The following BTBD2 variants were observed in gnomAD, a reference collection of about 807,000 sequenced individuals.
BTBD2 encodes BTB domain containing 2.
BTBD2 carries 15 observed loss-of-function variants against 44.0 expected under a neutral mutation model. The ratio of observed to expected loss-of-function variants is 0.34; its 90% CI spans 0.23 to 0.53. BTBD2 has a LOEUF of 0.53. Among genes scored for constraint, BTBD2 ranks in the 20% least tolerant of loss-of-function variants. BTBD2 has a pLI of 0.95. For missense variants in BTBD2, 657 were observed against 746.4 expected, an observed-to-expected ratio of 0.88 and a Z score of 1.39; for synonymous variants, 443 against 335.9, an observed-to-expected ratio of 1.32 and a Z score of -3.49.
At chr19:1,990,901 T>A in intron 3 of BTBD2, 79 bp from the exon 4 acceptor site, 1 of 1,306,882 alleles carries the variant, frequency 7.7e-7, no homozygotes, top group Non-Finnish European at 1.1e-6. Context: ...CGGGGCCGGT[T>A]CAAATGCAGC....
intron 3 of BTBD2, chr19:1,991,874 T>C (rs1022967253): frequency 6.6e-6 from 1 of 151,462 alleles, no homozygotes; most frequent in Non-Finnish European, 1.5e-5. Context: ...CTGCTCTGTC[T>C]ACCTGACATT....
chr19:2,004,868 C>A (rs1273268590), intron 1 of BTBD2, among the ~76,000 whole-genome samples: 1 of 151,750 alleles, frequency 6.6e-6, no homozygotes, highest in East Asian at 2.0e-4. Flanking sequence ...GTCACCCAGG[C>A]TGGAGTGCAG....
chr19:2,008,589 C>CCTTTTTTTTTTTTTTTTTT (rs1204551829), intron 1 of BTBD2, among the ~76,000 whole-genome samples: 1 of 126,596 alleles, frequency 7.9e-6, no homozygotes, highest in African/African-American at 3.1e-5. Flanking sequence ...CTGTGCCCAG[C>CCTTTTTTTTTTTTTTTTTT]TTTTTTTTTT....
At chr19:1,989,766 A>G (rs2016146099) in intron 5 of BTBD2, 1 of 567,920 alleles carries the variant, frequency 1.8e-6, no homozygotes, top group African/African-American at 1.9e-5. Context: ...CCACCAAAAC[A>G]GCTGGACAGA....
chr19:2,000,274 C>G (rs540698514), intron 1 of BTBD2, among the ~76,000 whole-genome samples: 1 of 148,518 alleles, frequency 6.7e-6, no homozygotes, highest in African/African-American at 2.6e-5. Context: ...GGCCTCAGGG[C>G]CCTGCGCCAT....
Position 1,999,265 on chromosome 19 carries a change from G to A in BTBD2, c.408-1802C>T, listed in dbSNP as rs371154472. Among the ~76,000 whole-genome samples, 197 of 152,280 alleles carry A rather than the reference G, an allele frequency of 1.3e-3. 1 individual carries two copies. The highest frequency in any genetic ancestry group is 0.01 in the Middle Eastern group (3 of 294). ...CGACCACAGCTTCCACATCCGCCCC[G>A]AACCTCGGAATGCGAGGCCCGGCGG... On this transcript the variant is annotated intron_variant, in intron 1 of 8. Coordinates refer to ENST00000255608, the MANE Select transcript of BTBD2 (RefSeq NM_017797.4).
At chr19:2,012,738 C>T (rs1331316706) in intron 1 of BTBD2, among the ~76,000 whole-genome samples, 4 of 152,220 alleles carry the variant, frequency 2.6e-5, no homozygotes, top group Non-Finnish European at 5.9e-5. Context: ...GCAGACCCCT[C>T]ACCTACTTTT....
intron 1 of BTBD2, among the ~76,000 whole-genome samples, chr19:1,998,814 G>T (rs537978380): frequency 1.4e-3 from 213 of 152,240 alleles, no homozygotes; most frequent in Admixed American, 2.4e-3. Flanking sequence ...CTGGTGGGGC[G>T]GGTTCACAGA....
chr19:1,987,269 A>G lies in BTBD2; in HGVS notation c.1182-16T>C. ...GACTGAGAACCTGCCGTGGCAGATG[A>G]CAGGCAGCAGCGTGGATACCCAGGG... is the stretch of plus-strand genomic sequence containing the variant. On this transcript the variant is annotated splice_polypyrimidine_tract_variant and intron_variant, in intron 6 of 8. Transcript: ENST00000255608. The G allele has an allele frequency of 6.2e-7, 1 of 1,613,378 alleles. No individual in the cohort carries two copies. Among genetic ancestry groups the G allele is most frequent in the Non-Finnish European group, 8.5e-7 (1 of 1,179,570 alleles).
At chr19:2,013,593 G>C (rs893947688) in intron 1 of BTBD2, 1 of 988,406 alleles carries the variant, frequency 1.0e-6, no homozygotes, top group African/African-American at 1.7e-5. Flanking sequence ...CGGAGCTGGA[G>C]GTGGGTGGTC....
chr19:2,000,711 G>A (rs1334105413), intron 1 of BTBD2, among the ~76,000 whole-genome samples: 3 of 152,038 alleles, frequency 2.0e-5, no homozygotes, highest in African/African-American at 4.8e-5. Context: ...CAAACAAATC[G>A]AGAACACACG....
At chr19:1,998,034 T>C (rs1428451143) in intron 1 of BTBD2, among the ~76,000 whole-genome samples, 2 of 152,206 alleles carry the variant, frequency 1.3e-5, no homozygotes, top group African/African-American at 4.8e-5. Context: ...CACTTGCTCA[T>C]TTATGACACA....
chr19:2,004,517 C>T (rs1173879408), intron 1 of BTBD2, among the ~76,000 whole-genome samples: 1 of 151,664 alleles, frequency 6.6e-6, no homozygotes, highest in Non-Finnish European at 1.5e-5. Context: ...GGCTGGTCTC[C>T]AACTCCTGAC....
rs1345223254 is a variant in BTBD2, at chr19:2,015,338, C to T, written c.366G>A (p.Leu122=). ...NNEVLCDVHF[L]VGKGLSSQRI... ...GCTGCGAGCTGAGCCCCTTGCCCAC[C>T]AGGAAGTGCACGTCGCACAGCACCT... Residue 122 remains leucine, a synonymous_variant, in exon 1 of 9, where the codon CTG becomes CTA. Coordinates refer to ENST00000255608, the MANE Select transcript of BTBD2 (RefSeq NM_017797.4). The T allele has an allele frequency of 3.2e-6, 5 of 1,582,544 alleles. No homozygotes were observed. Among genetic ancestry groups the T allele is most frequent in the Non-Finnish European group, 4.3e-6 (5 of 1,171,828 alleles).
rs765037787 is a variant in BTBD2 at position 2,015,411 on chromosome 19, G to A, written c.293C>T (p.Ala98Val). 8 of 1,546,504 alleles carry A rather than the reference G, an allele frequency of 5.2e-6. No individual in the cohort carries two copies. The South Asian group carries it at 5.8e-5, about 11-fold the overall frequency. The stretch of plus-strand genomic sequence containing the variant: ...GCGCTCCTGCACGGTGGGCTTGCTG[G>A]CCTGCCAGTTGTACGCGGCCTCGCG... ...LQREAAYNWQ[A>V]SKPTVQERFA... Residue 98 changes from alanine to valine, a missense_variant, in exon 1 of 9, where the codon GCC (alanine) becomes GTC (valine). Transcript: ENST00000255608.
chr19:2,013,821 G>A (rs1599363419), intron 1 of BTBD2: 5 of 293,212 alleles, frequency 1.7e-5, no homozygotes, highest in Non-Finnish European at 2.5e-5. Flanking sequence ...CAGGGAGGAC[G>A]CAGGGAGCAA....
intron 1 of BTBD2, chr19:2,002,605 G>A (rs543043646): frequency 2.6e-5 from 4 of 152,462 alleles, no homozygotes; most frequent in African/African-American, 9.6e-5. Context: ...CGGGCACAGG[G>A]GCTCATGCCT....
At chr19:1,994,392 G>T (rs1438789224) in intron 2 of BTBD2, among the ~76,000 whole-genome samples, 1 of 152,122 alleles carries the variant, frequency 6.6e-6, no homozygotes, top group Non-Finnish European at 1.5e-5. Flanking sequence ...CACGTTGGGA[G>T]GCAGAGGCGA....
At position 1,995,822 on chromosome 19, in the gene BTBD2, A is replaced by AT. The variant is rs956456732; in HGVS notation, c.527+1521dup. Among the ~76,000 whole-genome samples, 27 of 147,830 alleles carry AT rather than the reference A, an allele frequency of 1.8e-4. No homozygotes were observed. In the East Asian group the frequency reaches 4.8e-3, roughly 26 times the overall value. ...CGGCTAATTTTCTTATTTTTTATTT[A>AT]TTTTTTCTATTTTTAATAGAGACGA... On this transcript the variant is annotated intron_variant, in intron 2 of 8. Transcript: ENST00000255608.
Sources: gnomAD v4.1 joint callset for allele counts (sites outside exome capture counted in the v4.1 genomes callset) on GRCh38, gnomAD v4.1.1 for gene constraint, MANE v1.5 for transcripts, NCBI Gene and HGNC (gene_info 2026-07-23, HGNC 2026-07-21) for gene names.